KLF12: variants seen among roughly 807,000 people sequenced by gnomAD.
KLF12 encodes Krueppel-like factor 12.
In KLF12, 9 loss-of-function variants were observed where a neutral mutation model predicts 37.8. The observed-to-expected ratio is 0.24, with a 90% CI of 0.14 to 0.42. KLF12 has a LOEUF of 0.42. KLF12 is among the 10% of genes least tolerant of loss of function. The probability of loss-of-function intolerance (pLI) is 1.00; values close to 1 mark genes in which losing one functional copy is unlikely to be tolerated. For synonymous variants in KLF12, 208 were observed against 202.1 expected, an observed-to-expected ratio of 1.03 and a Z score of -0.25; for missense variants, 411 against 516.0, an observed-to-expected ratio of 0.80 and a Z score of 1.97.
chr13:74,034,389 A>C (rs886829733), intron 1 of KLF12, among the ~76,000 whole-genome samples: 1 of 152,150 alleles, frequency 6.6e-6, no homozygotes, highest in Non-Finnish European at 1.5e-5. Flanking sequence ...TTCTCTTGTG[A>C]AATCCCAGTT....
intron 6 of KLF12, among the ~76,000 whole-genome samples, chr13:73,725,680 A>C (rs1876606680): frequency 6.6e-6 from 1 of 151,784 alleles, no homozygotes; most frequent in African/African-American, 2.4e-5. Context: ...GTCAAATATC[A>C]CTATTCCATT....
the KLF12 span, among the ~76,000 whole-genome samples, chr13:74,185,811 C>T: frequency 6.6e-6 from 1 of 151,914 alleles, no homozygotes; most frequent in Non-Finnish European, 1.5e-5. Flanking sequence ...CACACCTGTG[C>T]TTTTGTATTT....
the KLF12 span, among the ~76,000 whole-genome samples, chr13:74,169,210 A>T: frequency 1.3e-5 from 2 of 152,250 alleles, no homozygotes; most frequent in Non-Finnish European, 2.9e-5. Flanking sequence ...CAATGATATT[A>T]TAATATTTAG....
At chr13:74,245,319 A>G in the KLF12 span, among the ~76,000 whole-genome samples, 1 of 151,446 alleles carries the variant, frequency 6.6e-6, no homozygotes, top group East Asian at 1.9e-4. Flanking sequence ...CTATCTATCT[A>G]TCTATCTATC....
intron 1 of KLF12, among the ~76,000 whole-genome samples, chr13:74,132,597 T>C (rs1457405455): frequency 6.6e-6 from 1 of 152,244 alleles, no homozygotes; most frequent in East Asian, 1.9e-4. Context: ...GCAAACTGTT[T>C]ATCCAGATTA....
intron 2 of KLF12, among the ~76,000 whole-genome samples, chr13:73,965,034 C>T (rs955134070): frequency 5.3e-5 from 8 of 152,118 alleles, no homozygotes; most frequent in Non-Finnish European, 5.9e-5. Context: ...TTAGCTTGGC[C>T]TTGGCAGGCA....
At chr13:73,842,762 C>T (rs1884807168) in intron 4 of KLF12, among the ~76,000 whole-genome samples, 1 of 152,186 alleles carries the variant, frequency 6.6e-6, no homozygotes, top group East Asian at 1.9e-4. Flanking sequence ...CAGAAATACA[C>T]ATCCGAAGTA....
At chr13:73,894,073 G>T (rs1434376591) in intron 3 of KLF12, among the ~76,000 whole-genome samples, 1 of 152,132 alleles carries the variant, frequency 6.6e-6, no homozygotes, top group Non-Finnish European at 1.5e-5. Context: ...GGGGAAGATG[G>T]GTCCTGGATG....
the KLF12 span, among the ~76,000 whole-genome samples, chr13:74,270,139 C>T: frequency 6.6e-6 from 1 of 152,118 alleles, no homozygotes; most frequent in African/African-American, 2.4e-5. Context: ...CCTCTAAACC[C>T]TTGGAATTCT....
At chr13:73,996,227 C>G (rs1474374306) in intron 1 of KLF12, among the ~76,000 whole-genome samples, 1 of 152,162 alleles carries the variant, frequency 6.6e-6, no homozygotes, top group Non-Finnish European at 1.5e-5. Context: ...AGGCATGCTA[C>G]TAAAAAGGGA....
chr13:74,172,193 G>C, the KLF12 span, among the ~76,000 whole-genome samples: 2 of 142,706 alleles, frequency 1.4e-5, no homozygotes, highest in Admixed American at 7.3e-5. Context: ...TGTGTTCCCA[G>C]TGCTGTCTTC....
At chr13:74,056,252 C>G (rs1401199814) in intron 1 of KLF12, among the ~76,000 whole-genome samples, 1 of 152,130 alleles carries the variant, frequency 6.6e-6, no homozygotes, top group African/African-American at 2.4e-5. Context: ...AACCAAGAAC[C>G]ATATTGGGTG....
At chr13:74,298,658 A>G in the KLF12 span, among the ~76,000 whole-genome samples, 19 of 152,220 alleles carry the variant, frequency 1.2e-4, no homozygotes, top group Non-Finnish European at 2.8e-4. Flanking sequence ...AGGCTGGAGA[A>G]GTATAATGTC....
chr13:73,710,446 CTA>C (rs1875296296), intron 7 of KLF12, among the ~76,000 whole-genome samples: 1 of 141,770 alleles, frequency 7.1e-6, no homozygotes, highest in Non-Finnish European at 1.5e-5. Flanking sequence ...TGTGGCAATC[CTA>C]TGTCAGGCAA....
chr13:74,113,732 C>A (rs1298704268), intron 1 of KLF12, among the ~76,000 whole-genome samples: 1 of 152,170 alleles, frequency 6.6e-6, no homozygotes, highest in Non-Finnish European at 1.5e-5. Context: ...GCCCAAGGAT[C>A]AAGGAGTTAC....
At chr13:73,760,690 T>C (rs761889238) in intron 6 of KLF12, among the ~76,000 whole-genome samples, 3 of 152,138 alleles carry the variant, frequency 2.0e-5, no homozygotes, top group Non-Finnish European at 4.4e-5. Flanking sequence ...GTTTGTATTA[T>C]GTGACTCCCA....
rs939397361 is a variant in KLF12 at position 74,120,059 on chromosome 13, G to A, written c.-32+13680C>T. Among the ~76,000 whole-genome samples the A allele has an allele frequency of 4.0e-5, 6 of 151,784 alleles. No individual in the cohort carries two copies. In the East Asian group the frequency reaches 7.7e-4, roughly 20 times the overall value. ...AGGATACTGGAGCAATATCTTTAACGTAATGGTGGAAAACTGTCAACCCAG... is the reference window on the plus strand; with the variant it reads ...AGGATACTGGAGCAATATCTTTAACATAATGGTGGAAAACTGTCAACCCAG... On this transcript the variant is annotated intron_variant, in intron 1 of 7. Transcript: ENST00000377669.
chr13:74,011,865 A>G (rs1176714570), intron 1 of KLF12, among the ~76,000 whole-genome samples: 1 of 152,202 alleles, frequency 6.6e-6, no homozygotes, highest in Non-Finnish European at 1.5e-5. Context: ...TTAATATATT[A>G]TTTTAAATTT....
chr13:74,072,651 T>C (rs1874339042), intron 1 of KLF12, among the ~76,000 whole-genome samples: 1 of 140,950 alleles, frequency 7.1e-6, no homozygotes, highest in Non-Finnish European at 1.6e-5. Context: ...AGAAGGATCC[T>C]GAGCTGCAAG....
Sources: gnomAD v4.1 joint callset for allele counts (sites outside exome capture counted in the v4.1 genomes callset) on GRCh38, gnomAD v4.1.1 for gene constraint, MANE v1.5 for transcripts, NCBI Gene and HGNC (gene_info 2026-07-23, HGNC 2026-07-21) for gene names.